The following LUZP2 variants were observed in gnomAD, a reference collection of about 807,000 sequenced individuals.
LUZP2 encodes leucine zipper protein 2.
Under a neutral mutation model 51.6 loss-of-function variants are expected in LUZP2, and 52 were observed. The ratio of observed to expected loss-of-function variants is 1.01; its 90% CI spans 0.81 to 1.27. The LOEUF is 1.27. LUZP2 is among the 50% of genes most tolerant of loss of function. The pLI is 0.00. For missense variants in LUZP2, 436 were observed against 395.4 expected (o/e 1.10, Z -0.87); for synonymous variants, 154 against 137.3 (o/e 1.12, Z -0.85).
At chr11:24,948,259 A>T (rs1443764247) in intron 7 of LUZP2, among the ~76,000 whole-genome samples, 1 of 151,376 alleles carries the variant, frequency 6.6e-6, no homozygotes, top group Admixed American at 6.6e-5. Context: ...CAAAATTTTC[A>T]TATTGTCCTT....
intron 5 of LUZP2, among the ~76,000 whole-genome samples, chr11:24,827,951 A>T (rs1850591549): frequency 6.6e-6 from 1 of 152,036 alleles, no homozygotes; most frequent in South Asian, 2.1e-4. Flanking sequence ...ATTAGACTAG[A>T]CCAAGCTGAA....
chr11:24,514,607 T>C (rs11027965), intron 1 of LUZP2, among the ~76,000 whole-genome samples: 15,050 of 152,266 alleles, frequency 0.099, 1,007 homozygotes, highest in African/African-American at 0.19. Context: ...CAGAACCAAC[T>C]GAATGGATGT....
chr11:24,907,855 G>T (rs1331357828), intron 6 of LUZP2, among the ~76,000 whole-genome samples: 1 of 152,096 alleles, frequency 6.6e-6, no homozygotes, highest in African/African-American at 2.4e-5. Context: ...TCCCTGAATT[G>T]TTAGATACTT....
intron 5 of LUZP2, among the ~76,000 whole-genome samples, chr11:24,905,746 C>T (rs956945448): frequency 2.0e-5 from 3 of 151,956 alleles, no homozygotes; most frequent in Non-Finnish European, 4.4e-5. Flanking sequence ...TTTCTCCCCA[C>T]AATAGAATAA....
chr11:24,629,807 C>A (rs1285436935), intron 1 of LUZP2, among the ~76,000 whole-genome samples: 2 of 151,632 alleles, frequency 1.3e-5, no homozygotes, highest in Non-Finnish European at 2.9e-5. Flanking sequence ...TTTATTTTCC[C>A]AAAATAGTGT....
At chr11:25,056,885 G>A (rs1858700996) in intron 10 of LUZP2, among the ~76,000 whole-genome samples, 1 of 152,112 alleles carries the variant, frequency 6.6e-6, no homozygotes, top group African/African-American at 2.4e-5. Context: ...CAGATCACGA[G>A]GTCAGGAGAT....
chr11:24,590,021 C>A (rs186163925), intron 1 of LUZP2, among the ~76,000 whole-genome samples: 1 of 152,184 alleles, frequency 6.6e-6, no homozygotes, highest in Admixed American at 6.6e-5. Flanking sequence ...AATGTACGTG[C>A]ATTTAAAATT....
intron 5 of LUZP2, among the ~76,000 whole-genome samples, chr11:24,780,515 A>G (rs1330153384): frequency 1.3e-5 from 2 of 152,156 alleles, no homozygotes; most frequent in African/African-American, 4.8e-5. Context: ...TACTTCACAC[A>G]AAAACTATTG....
intron 5 of LUZP2, among the ~76,000 whole-genome samples, chr11:24,818,718 T>A (rs1338960520): frequency 6.6e-6 from 1 of 152,126 alleles, no homozygotes; most frequent in East Asian, 1.9e-4. Context: ...TTCTTCTGCT[T>A]ATCTATACAG....
chr11:24,596,112 T>C (rs1249937866), intron 1 of LUZP2, among the ~76,000 whole-genome samples: 1 of 152,158 alleles, frequency 6.6e-6, no homozygotes. Flanking sequence ...ATATCTCCCT[T>C]TTATCCGTTG....
chr11:24,815,068 T>C (rs1850138478), intron 5 of LUZP2, among the ~76,000 whole-genome samples: 1 of 152,054 alleles, frequency 6.6e-6, no homozygotes, highest in Non-Finnish European at 1.5e-5. Flanking sequence ...GAATGTCCTA[T>C]ACTATATTGA....
intron 9 of LUZP2, among the ~76,000 whole-genome samples, chr11:24,997,607 G>T (rs1856547172): frequency 1.3e-5 from 2 of 152,054 alleles, no homozygotes; most frequent in Non-Finnish European, 2.9e-5. Context: ...TTGCTGTGCA[G>T]AAGCTCTTTA....
chr11:24,894,690 C>T (rs551225033), intron 5 of LUZP2, among the ~76,000 whole-genome samples: 47 of 104,274 alleles, frequency 4.5e-4, no homozygotes, highest in Non-Finnish European at 7.9e-4. Context: ...CTCTTATACA[C>T]GACAACGTGT....
intron 7 of LUZP2, among the ~76,000 whole-genome samples, chr11:24,970,299 A>G (rs1300185850): frequency 6.6e-6 from 1 of 152,090 alleles, no homozygotes; most frequent in Middle Eastern, 3.2e-3. Flanking sequence ...CATGCAGCAT[A>G]TTATCATATA....
intron 7 of LUZP2, among the ~76,000 whole-genome samples, chr11:24,922,774 A>G (rs2133818388): frequency 6.6e-6 from 1 of 150,462 alleles, no homozygotes; most frequent in South Asian, 2.1e-4. Flanking sequence ...GACCCAGAGA[A>G]GTTATAAGAG....
chr11:24,531,285 G>A (rs1464541498), intron 1 of LUZP2, among the ~76,000 whole-genome samples: 1 of 150,472 alleles, frequency 6.6e-6, no homozygotes, highest in Non-Finnish European at 1.5e-5. Context: ...TAATTTTTAA[G>A]ATGTTTAATT....
rs112633873 is a variant in LUZP2, at chr11:24,887,697, G to A, written c.397-18294G>A. Among the ~76,000 whole-genome samples the A allele has an allele frequency of 1.3e-4, 20 of 152,252 alleles. 1 individual carries two copies. Among genetic ancestry groups the A allele is most frequent in the African/African-American group, 3.6e-4 (15 of 41,546 alleles). On this transcript the variant is annotated intron_variant, in intron 5 of 11. Transcript: ENST00000336930. Reference sequence around the variant, plus strand: ...AGGCAACATAAAATTATAAGAATTCGCTACCTTCTAACTCCTATTGCTCTC... The same window carrying A: ...AGGCAACATAAAATTATAAGAATTCACTACCTTCTAACTCCTATTGCTCTC...
At chr11:24,816,179 C>T (rs556052866) in intron 5 of LUZP2, among the ~76,000 whole-genome samples, 4 of 152,116 alleles carry the variant, frequency 2.6e-5, no homozygotes, top group South Asian at 4.2e-4. Flanking sequence ...TTGCAGTAAG[C>T]ACACCCCACG....
rs1274274394 is a variant in LUZP2 at position 24,952,290 on chromosome 11, A to AT, written c.523-24295dup. On this transcript the variant is annotated intron_variant, in intron 7 of 11. Coordinates refer to ENST00000336930, the MANE Select transcript of LUZP2 (RefSeq NM_001009909.4). ...TATAAAAATGATGCATTCAATTAACATTTTTTAGAGAATATAATGTTGGCA... is the reference window on the plus strand; with the variant it reads ...TATAAAAATGATGCATTCAATTAACATTTTTTTAGAGAATATAATGTTGGCA... Among the ~76,000 whole-genome samples the AT allele has an allele frequency of 3.3e-5, 5 of 151,818 alleles. No individual in the cohort carries two copies. The East Asian group carries it at 9.7e-4, about 29-fold the overall frequency.
Sources: allele counts gnomAD v4.1 joint callset (sites outside exome capture counted in the v4.1 genomes callset), GRCh38; gene constraint gnomAD v4.1.1; transcripts MANE v1.5; gene names NCBI Gene and HGNC (gene_info 2026-07-23, HGNC 2026-07-21).